The following TENM3 variants were observed in gnomAD, a reference collection of about 807,000 sequenced individuals.
TENM3 encodes teneurin transmembrane protein 3, also known as teneurin-3.
In TENM3, 63 loss-of-function variants were observed where a neutral mutation model predicts 255.1. The ratio of observed to expected loss-of-function variants is 0.25; its 90% CI spans 0.20 to 0.30. The LOEUF is 0.30. TENM3 is among the 10% of genes least tolerant of loss of function. The probability of loss-of-function intolerance (pLI) is 1.00; values close to 1 mark genes in which losing one functional copy is unlikely to be tolerated. For synonymous variants in TENM3, 1,306 were observed against 1,322.3 expected (o/e 0.99, Z 0.27); for missense variants, 2,929 against 3,461.1 (o/e 0.85, Z 3.86).
chr4:182,189,333 C>G (rs1455818634), intron 1 of TENM3, among the ~76,000 whole-genome samples: 1 of 151,986 alleles, frequency 6.6e-6, no homozygotes, highest in African/African-American at 2.4e-5. Context: ...TCTTCCGTGT[C>G]ATACAAAAAA....
chr4:182,527,750 A>T (rs970643027), intron 3 of TENM3, among the ~76,000 whole-genome samples: 1 of 151,656 alleles, frequency 6.6e-6, no homozygotes, highest in Admixed American at 6.6e-5. Context: ...TGTTTTTGAG[A>T]TGGAGTCTCG....
At chr4:182,576,978 G>A (rs912357889) in intron 3 of TENM3, among the ~76,000 whole-genome samples, 7 of 152,056 alleles carry the variant, frequency 4.6e-5, no homozygotes, top group East Asian at 3.9e-4. Flanking sequence ...TGCCTCTTGC[G>A]AGTTCTCCTA....
the TENM3 span, among the ~76,000 whole-genome samples, chr4:181,929,265 C>T: frequency 3.3e-5 from 5 of 151,968 alleles, no homozygotes; most frequent in Non-Finnish European, 5.9e-5. Flanking sequence ...CATCAGTGTG[C>T]TGTGTTCAGG....
chr4:182,470,351 A>G (rs1732999111), intron 3 of TENM3, among the ~76,000 whole-genome samples: 1 of 152,214 alleles, frequency 6.6e-6, no homozygotes, highest in Non-Finnish European at 1.5e-5. Context: ...AGGGTAATCC[A>G]TACATTCTAT....
In TENM3 at chr4:182,607,135, C is replaced by T. The variant is rs146413564; in HGVS notation, c.749+5974C>T. On this transcript the variant is annotated intron_variant, in intron 4 of 27. Transcript: ENST00000511685. ...AGCACGTGGCACATGCTAGGTGTTC[C>T]GTAAATGTTTTTAAAATAATTACCA... Among the ~76,000 whole-genome samples the T allele has an allele frequency of 7.2e-3, 1,091 of 152,156 alleles. 8 individuals are homozygous for T. The highest frequency in any genetic ancestry group is 9.3e-3 in the Non-Finnish European group (633 of 68,004).
At chr4:182,039,062 T>C in the TENM3 span, among the ~76,000 whole-genome samples, 1 of 152,014 alleles carries the variant, frequency 6.6e-6, no homozygotes, top group Non-Finnish European at 1.5e-5. Flanking sequence ...AAGATGAAAT[T>C]CGAATCCAAC....
At chr4:181,668,586 G>A in the TENM3 span, among the ~76,000 whole-genome samples, 624 of 152,184 alleles carry the variant, frequency 4.1e-3, 5 homozygotes, top group African/African-American at 0.014. Context: ...TTGTAGGTGT[G>A]TCTGTGCCCA....
At chr4:181,457,102 A>C in the TENM3 span, among the ~76,000 whole-genome samples, 1 of 151,924 alleles carries the variant, frequency 6.6e-6, no homozygotes, top group Non-Finnish European at 1.5e-5. Context: ...ACTGCAAGAG[A>C]AAGTAAATCA....
At chr4:182,541,170 C>T (rs540590370) in intron 3 of TENM3, among the ~76,000 whole-genome samples, 2 of 152,288 alleles carry the variant, frequency 1.3e-5, no homozygotes, top group African/African-American at 2.4e-5. Flanking sequence ...CAAATTCTTA[C>T]CTCTATTTTG....
At chr4:181,519,665 TA>T in the TENM3 span, among the ~76,000 whole-genome samples, 1 of 152,240 alleles carries the variant, frequency 6.6e-6, no homozygotes, top group African/African-American at 2.4e-5. Flanking sequence ...ACATCATTTT[TA>T]TTTAGTGTTA....
At chr4:181,862,971 G>C in the TENM3 span, among the ~76,000 whole-genome samples, 336 of 152,244 alleles carry the variant, frequency 2.2e-3, 1 homozygote, top group African/African-American at 7.8e-3. Context: ...TCAGACATCA[G>C]AAAGAATGCT....
rs1378742151 is a variant in TENM3 at position 182,799,740 on chromosome 4, G to C, written c.7489G>C (p.Gly2497Arg). The change falls in exon 28 of 28, where the codon GGC becomes CGC. Residue 2497 changes from glycine to arginine, a missense_variant. Physicochemically the swap from Gly to Arg is moderately radical, Grantham distance 125 (BLOSUM62 -2). This residue lies in a region of TENM3 where 476 missense variants were observed against 480.1 expected (regional missense o/e 0.99). Transcript: ENST00000511685. This position sits in a 1 kb window ranked among gnomAD's most constrained non-coding sequence, Gnocchi z 4.2. ...GTTCGCCACGGTCAAGTCGCTGATC[G>C]GCAAGGGCGTCATGCTGGCCGTCAG... ...LWFATVKSLI[G>R]KGVMLAVSQG... The C allele has an allele frequency of 1.3e-6, 2 of 1,560,916 alleles. No homozygotes were observed. Among genetic ancestry groups the C allele is most frequent in the Non-Finnish European group, 1.7e-6 (2 of 1,153,724 alleles).
At chr4:181,655,386 T>G in the TENM3 span, among the ~76,000 whole-genome samples, 1 of 152,034 alleles carries the variant, frequency 6.6e-6, no homozygotes, top group African/African-American at 2.4e-5. Context: ...ATTAGCAGGG[T>G]TTTGGTCATG....
the TENM3 span, among the ~76,000 whole-genome samples, chr4:182,083,306 G>A: frequency 7.9e-5 from 12 of 152,298 alleles, no homozygotes; most frequent in Non-Finnish European, 1.5e-5. Flanking sequence ...CCATCATAAA[G>A]CATCATTCGG....
chr4:182,346,080 C>T (rs891473512), intron 2 of TENM3, among the ~76,000 whole-genome samples: 7 of 151,796 alleles, frequency 4.6e-5, no homozygotes, highest in Non-Finnish European at 8.8e-5. Context: ...TACATACATA[C>T]ATACATACAT....
At chr4:182,338,321 G>C (rs75035705) in intron 2 of TENM3, among the ~76,000 whole-genome samples, 6 of 152,130 alleles carry the variant, frequency 3.9e-5, no homozygotes, top group African/African-American at 7.2e-5. Context: ...CTGGATAAAG[G>C]CATTTTGCCC....
At chr4:181,798,557 T>C in the TENM3 span, among the ~76,000 whole-genome samples, 45 of 152,276 alleles carry the variant, frequency 3.0e-4, no homozygotes, top group African/African-American at 1.0e-3. Flanking sequence ...CTCAATACCT[T>C]CTCTTCTAAA....
chr4:182,702,761 G>A (rs912350638), intron 12 of TENM3, among the ~76,000 whole-genome samples: 29 of 149,786 alleles, frequency 1.9e-4, no homozygotes, highest in Non-Finnish European at 3.2e-4. Flanking sequence ...TTTTTGAGAC[G>A]GCGTCTGGCT....
chr4:182,319,177 T>G (rs1156722465), intron 1 of TENM3, among the ~76,000 whole-genome samples: 1 of 152,254 alleles, frequency 6.6e-6, no homozygotes, highest in African/African-American at 2.4e-5. Flanking sequence ...TAATGTCATA[T>G]TCATTAAATG....
Sources: gnomAD v4.1 joint callset for allele counts (sites outside exome capture counted in the v4.1 genomes callset) on GRCh38, gnomAD v4.1.1 for gene constraint, gnomAD v4.1.1 regional missense constraint, Gnocchi (gnomAD v3.1) non-coding constraint, MANE v1.5 for transcripts, NCBI Gene and HGNC (gene_info 2026-07-23, HGNC 2026-07-21) for gene names.